NPSR1: variants seen among roughly 807,000 people sequenced by gnomAD.
The protein encoded by NPSR1 is neuropeptide S receptor.
A neutral mutation model predicts 46.9 loss-of-function variants in NPSR1; 48 were observed. The ratio of observed to expected loss-of-function variants is 1.02; its 90% CI spans 0.81 to 1.30. NPSR1 has a LOEUF of 1.30. NPSR1 is among the 50% of genes most tolerant of loss of function. NPSR1 has a pLI of 0.00. For synonymous variants in NPSR1, 176 were observed against 168.1 expected (o/e 1.05, Z -0.36); for missense variants, 450 against 449.5 (o/e 1.00, Z -0.01).
At position 34,844,887 on chromosome 7, in the gene NPSR1, T is replaced by C; in HGVS notation, c.758-9T>C. On this transcript the variant is annotated splice_polypyrimidine_tract_variant and intron_variant, in intron 6 of 8. Coordinates refer to ENST00000360581, the MANE Select transcript of NPSR1 (RefSeq NM_207172.2). The stretch of plus-strand genomic sequence containing the variant: ...ACTTCATCTTACTATTCCCCTCTTG[T>C]ATCTACAGATGGGAAACTGTGCAGC... 6.5e-7 allele frequency: 1 copy of C among 1,546,258 alleles called. No individual in the cohort carries two copies. Among genetic ancestry groups the C allele is most frequent in the Non-Finnish European group, 8.9e-7 (1 of 1,118,198 alleles).
chr7:34,875,149 G>T (rs898730994), intron 8 of NPSR1, among the ~76,000 whole-genome samples: 3 of 152,176 alleles, frequency 2.0e-5, no homozygotes, highest in African/African-American at 7.2e-5. Flanking sequence ...ATTAATGAAT[G>T]AATGCATGGA....
At chr7:34,825,847 A>G (rs1562757705) in intron 4 of NPSR1, among the ~76,000 whole-genome samples, 1 of 152,132 alleles carries the variant, frequency 6.6e-6, no homozygotes, top group Non-Finnish European at 1.5e-5. Context: ...CCCAATGTGG[A>G]TAGCAACCTG....
chr7:34,790,840 T>C (rs1787744602), intron 3 of NPSR1, among the ~76,000 whole-genome samples: 2 of 130,508 alleles, frequency 1.5e-5, no homozygotes, highest in East Asian at 4.3e-4. Context: ...TGTTATGTTA[T>C]ATATATGTTA....
At chr7:34,776,517 A>G (rs1786965198) in intron 2 of NPSR1, among the ~76,000 whole-genome samples, 1 of 152,180 alleles carries the variant, frequency 6.6e-6, no homozygotes, top group Non-Finnish European at 1.5e-5. Flanking sequence ...AAGCATAACT[A>G]GCCCTGCTCT....
chr7:34,824,175 T>C (rs1789715278), intron 4 of NPSR1, among the ~76,000 whole-genome samples: 1 of 152,202 alleles, frequency 6.6e-6, no homozygotes, highest in Non-Finnish European at 1.5e-5. Flanking sequence ...ACGTTTCTGG[T>C]TGGTGCCACT....
chr7:34,782,912 A>G (rs1402623208), intron 3 of NPSR1, among the ~76,000 whole-genome samples: 4 of 152,166 alleles, frequency 2.6e-5, no homozygotes, highest in African/African-American at 9.6e-5. Flanking sequence ...CAACCAAAAC[A>G]AAGAATTAAA....
At chr7:34,796,390 C>G (rs181745579) in intron 3 of NPSR1, among the ~76,000 whole-genome samples, 1 of 152,100 alleles carries the variant, frequency 6.6e-6, no homozygotes, top group East Asian at 1.9e-4. Flanking sequence ...AAATGAGAAG[C>G]AAACCACAGA....
intron 1 of NPSR1, among the ~76,000 whole-genome samples, chr7:34,681,583 C>T (rs138600739): frequency 1.3e-5 from 2 of 152,272 alleles, no homozygotes; most frequent in Non-Finnish European, 2.9e-5. Flanking sequence ...CTTCCTCAGC[C>T]TCCTAGCAGT....
chr7:34,766,575 TTA>T (rs1360940664), intron 2 of NPSR1, among the ~76,000 whole-genome samples: 2 of 149,046 alleles, frequency 1.3e-5, no homozygotes, highest in Non-Finnish European at 3.0e-5. Context: ...TTATGATGAA[TTA>T]TTTTTTTTTT....
chr7:34,818,108 G>A (rs549939305), intron 4 of NPSR1, among the ~76,000 whole-genome samples: 1 of 148,902 alleles, frequency 6.7e-6, no homozygotes, highest in East Asian at 2.0e-4. Flanking sequence ...TATTCAATTA[G>A]GAAAAGAAGA....
At chr7:34,795,374 C>T (rs1019782768) in intron 3 of NPSR1, among the ~76,000 whole-genome samples, 2 of 152,032 alleles carry the variant, frequency 1.3e-5, no homozygotes, top group African/African-American at 4.8e-5. Context: ...CAAGGATTTC[C>T]CTCTCACATT....
downstream of NPSR1, among the ~76,000 whole-genome samples, chr7:34,851,891 T>C (rs1299633266): frequency 2.0e-5 from 3 of 152,226 alleles, no homozygotes; most frequent in Non-Finnish European, 2.9e-5. Context: ...TACAGGTTGC[T>C]GCAGGATAAT....
At chr7:34,777,457 G>A (rs1787015519) in intron 2 of NPSR1, among the ~76,000 whole-genome samples, 1 of 151,116 alleles carries the variant, frequency 6.6e-6, no homozygotes, top group African/African-American at 2.4e-5. Context: ...GGGGATGGGA[G>A]AGGGGTGGCG....
intron 2 of NPSR1, among the ~76,000 whole-genome samples, chr7:34,705,989 T>A (rs28673976): frequency 2.0e-5 from 3 of 151,112 alleles, no homozygotes; most frequent in Admixed American, 2.0e-4. Context: ...CATTTCTTTA[T>A]GAGCCTTTTT....
At chr7:34,687,311 A>T (rs1792986808) in intron 2 of NPSR1, among the ~76,000 whole-genome samples, 1 of 152,194 alleles carries the variant, frequency 6.6e-6, no homozygotes, top group African/African-American at 2.4e-5. Flanking sequence ...AAACCATAAG[A>T]TATACAGTGA....
intron 4 of NPSR1, among the ~76,000 whole-genome samples, chr7:34,813,893 T>G (rs1308104216): frequency 6.6e-6 from 1 of 152,244 alleles, no homozygotes; most frequent in Non-Finnish European, 1.5e-5. Context: ...ATAAGACATA[T>G]GAGTAAAAAT....
chr7:34,709,168 A>G (rs760063076), intron 2 of NPSR1, among the ~76,000 whole-genome samples: 1 of 152,130 alleles, frequency 6.6e-6, no homozygotes, highest in Non-Finnish European at 1.5e-5. Flanking sequence ...CGGCCTCATT[A>G]CGTTTCTCAG....
chr7:34,750,780 G>A (rs1222443886), intron 2 of NPSR1: 5 of 693,996 alleles, frequency 7.2e-6, no homozygotes, highest in Non-Finnish European at 1.4e-5. Flanking sequence ...CAGTAGGCCA[G>A]GTCCTGCTGC....
intron 2 of NPSR1, among the ~76,000 whole-genome samples, chr7:34,755,991 G>A (rs1562705379): frequency 6.6e-6 from 1 of 152,222 alleles, no homozygotes; most frequent in Non-Finnish European, 1.5e-5. Context: ...CAACTAGCAA[G>A]TAGGGAATCA....
Sources: allele counts gnomAD v4.1 joint callset (sites outside exome capture counted in the v4.1 genomes callset), GRCh38; gene constraint gnomAD v4.1.1; transcripts MANE v1.5; gene names NCBI Gene and HGNC (gene_info 2026-07-23, HGNC 2026-07-21).